DCC: variants seen among roughly 807,000 people sequenced by gnomAD.
The protein encoded by DCC is DCC netrin 1 receptor.
In DCC, 58 loss-of-function variants were observed where a neutral mutation model predicts 172.5. The ratio of observed to expected loss-of-function variants is 0.34; its 90% CI spans 0.27 to 0.42. The LOEUF (loss-of-function observed/expected upper bound fraction) is 0.42. DCC is among the 10% of genes least tolerant of loss of function. The pLI, the probability that DCC is intolerant of heterozygous loss-of-function variation, is 1.00. For synonymous variants in DCC, 709 were observed against 644.5 expected, an observed-to-expected ratio of 1.10 and a Z score of -1.52; for missense variants, 1,740 against 1,791.0, an observed-to-expected ratio of 0.97 and a Z score of 0.51.
rs573602816 is a variant in DCC at position 52,340,612 on chromosome 18, G to A, written c.-176G>A. ...GTCAGTGGACAAGGAAAAAGGCTTC[G>A]AAGGCAGCAGAGGCGCAGGGGAGGT... On this transcript the variant is annotated 5_prime_UTR_variant, in exon 1 of 29. Coordinates refer to ENST00000442544, the MANE Select transcript of DCC (RefSeq NM_005215.4). 372 of 705,170 alleles carry A rather than the reference G, an allele frequency of 5.3e-4. 1 individual carries two copies. In the African/African-American group the frequency reaches 6.0e-3, roughly 11 times the overall value. 43.7% of individuals were successfully genotyped at this position (705,170 alleles called of 1,614,324 possible). A position where few individuals can be genotyped will look rare whatever the true frequency, so the allele number is the denominator to read the frequency against.
chr18:53,378,071 T>C (rs1374625598), intron 15 of DCC, among the ~76,000 whole-genome samples: 2 of 152,124 alleles, frequency 1.3e-5, no homozygotes, highest in African/African-American at 4.8e-5. Flanking sequence ...AAGTGATTCT[T>C]GTGCCTCAGC....
intron 5 of DCC, among the ~76,000 whole-genome samples, chr18:53,059,391 A>G (rs888647799): frequency 6.6e-6 from 1 of 152,144 alleles, no homozygotes; most frequent in African/African-American, 2.4e-5. Flanking sequence ...TCATTGAGCC[A>G]TGGGGTATAT....
chr18:52,925,464 T>C (rs2040186746), intron 5 of DCC, 94 bp downstream of exon 5: 1 of 1,340,010 alleles, frequency 7.5e-7, no homozygotes, highest in Non-Finnish European at 1.1e-6. Context: ...TTCCTATGTT[T>C]ATTAGTGTGA....
intron 1 of DCC, among the ~76,000 whole-genome samples, chr18:52,464,930 T>C (rs956363679): frequency 6.6e-6 from 1 of 152,022 alleles, no homozygotes; most frequent in African/African-American, 2.4e-5. Context: ...CCTTAATCAG[T>C]TTAGGTAGAT....
At chr18:52,602,942 A>G (rs997050008) in intron 1 of DCC, among the ~76,000 whole-genome samples, 2 of 152,082 alleles carry the variant, frequency 1.3e-5, no homozygotes, top group Non-Finnish European at 2.9e-5. Flanking sequence ...TGCAAAGTAT[A>G]GAGGATAGAC....
intron 5 of DCC, among the ~76,000 whole-genome samples, chr18:52,945,808 C>T (rs2040536110): frequency 6.6e-6 from 1 of 152,210 alleles, no homozygotes. Context: ...CCAAATGTAG[C>T]CTACAGGCTT....
chr18:52,923,855 C>G lies in DCC; in HGVS notation c.846C>G (p.Leu282=), dbSNP rs1232175532. ...TACGAGGCGAGGAAGTCATCCAACT[C>G]AGGTATTTCACATTTAAGACTTTTT... ...TWLRGEEVIQ[L]RSKKYSLLGG... The change falls in exon 4 of 29, where the codon CTC becomes CTG. Residue 282 remains leucine (L), a splice_region_variant and synonymous_variant. Transcript: ENST00000442544. The G allele has an allele frequency of 1.2e-6, 2 of 1,612,462 alleles. No individual in the cohort carries two copies. Among genetic ancestry groups the G allele is most frequent in the Non-Finnish European group, 1.7e-6 (2 of 1,178,894 alleles).
At chr18:53,397,593 A>T in intron 18 of DCC, 147 bp downstream of exon 18, 1 of 836,898 alleles carries the variant, frequency 1.2e-6, no homozygotes, top group Non-Finnish European at 1.9e-6. Context: ...GCACTTTTAT[A>T]TCTAAGAGTA....
chr18:52,807,779 G>A (rs186243318), intron 2 of DCC, among the ~76,000 whole-genome samples: 16 of 152,200 alleles, frequency 1.1e-4, no homozygotes, highest in East Asian at 3.9e-4. Flanking sequence ...TCCTCTTTGC[G>A]AAATGCTGCT....
At position 53,450,120 on chromosome 18, in the gene DCC, GAT is replaced by G. The variant is rs59116255; in HGVS notation, c.3230-358_3230-357del. 3.5e-4 allele frequency among the ~76,000 whole-genome samples: 52 copies of G among 147,182 alleles called. No homozygotes were observed. In the South Asian group the frequency reaches 5.5e-3, roughly 15 times the overall value. ...CCTGGGTAATATTCCATCATAGGGG[GAT>G]ATATATATATATATATATATACACA... is the stretch of plus-strand genomic sequence containing the variant. On this transcript the variant is annotated intron_variant, in intron 22 of 28. Transcript: ENST00000442544.
intron 7 of DCC, among the ~76,000 whole-genome samples, chr18:53,104,711 G>T (rs1485681021): frequency 6.6e-6 from 1 of 152,154 alleles, no homozygotes; most frequent in African/African-American, 2.4e-5. Flanking sequence ...CTATAGCCAG[G>T]AAATTAATAT....
chr18:52,892,045 T>A (rs1186745752), intron 2 of DCC, among the ~76,000 whole-genome samples: 2 of 152,150 alleles, frequency 1.3e-5, no homozygotes, highest in African/African-American at 2.4e-5. Context: ...ACATCTGAAT[T>A]ATCCACCCTG....
chr18:52,933,743 GA>G (rs2040342755), intron 5 of DCC, among the ~76,000 whole-genome samples: 1 of 152,018 alleles, frequency 6.6e-6, no homozygotes, highest in African/African-American at 2.4e-5. Flanking sequence ...CATATTTGTA[GA>G]GCTTTAGGAG....
At position 53,179,082 on chromosome 18, in the gene DCC, T is replaced by C. The variant is rs748712247; in HGVS notation, c.1539T>C (p.Ser513=). The part of the protein sequence containing the change: ...VAYNEWGPGE[S]SQPIKVATQP... ...ACAATGAATGGGGACCGGGAGAGAG[T>C]TCTCAACCCATCAAGGTGGCCACAC... is the stretch of plus-strand genomic sequence containing the variant. Residue 513 remains serine (S), a synonymous_variant, in exon 9 of 29, where the codon AGT becomes AGC. Transcript: ENST00000442544. 1.9e-6 allele frequency: 3 copies of C among 1,613,904 alleles called. No homozygotes were observed. The Admixed American group carries it at 5.0e-5, about 27-fold the overall frequency.
At chr18:53,184,231 G>C (rs1312380845) in intron 9 of DCC, among the ~76,000 whole-genome samples, 2 of 151,972 alleles carry the variant, frequency 1.3e-5, no homozygotes, top group African/African-American at 2.4e-5. Flanking sequence ...TTAGCATTTG[G>C]CAGGCTGTTA....
At position 52,824,274 on chromosome 18, in the gene DCC, C is replaced by T. The variant is rs146314169; in HGVS notation, c.412+71900C>T. Among the ~76,000 whole-genome samples, 543 of 152,212 alleles carry T rather than the reference C, an allele frequency of 3.6e-3. 1 individual carries two copies. The highest frequency in any genetic ancestry group is 5.5e-3 in the Non-Finnish European group (373 of 68,018). The stretch of plus-strand genomic sequence containing the variant: ...AAAGTTATTCTGTTTCTTTTACTCT[C>T]CTTGTGTCTTGTGAATGATGGCAGG... On this transcript the variant is annotated intron_variant, in intron 2 of 28. Transcript: ENST00000442544.
chr18:53,364,831 A>G (rs2144940993), intron 15 of DCC, among the ~76,000 whole-genome samples: 1 of 152,244 alleles, frequency 6.6e-6, no homozygotes, highest in African/African-American at 2.4e-5. Context: ...CCATCCCACA[A>G]ATGTACATGT....
chr18:53,280,559 G>A (rs2056859008), intron 12 of DCC, among the ~76,000 whole-genome samples: 1 of 152,016 alleles, frequency 6.6e-6, no homozygotes, highest in Non-Finnish European at 1.5e-5. Context: ...TTCTTCCTAT[G>A]GAGCCACCCT....
chr18:53,035,309 A>G (rs577395406), intron 5 of DCC, among the ~76,000 whole-genome samples: 77 of 152,044 alleles, frequency 5.1e-4, no homozygotes, highest in Non-Finnish European at 9.1e-4. Context: ...ACTAAAGTAC[A>G]ATATGTGCTC....
Sources: gnomAD v4.1 joint callset for allele counts (sites outside exome capture counted in the v4.1 genomes callset) on GRCh38, gnomAD v4.1.1 for gene constraint, MANE v1.5 for transcripts, NCBI Gene and HGNC (gene_info 2026-07-23, HGNC 2026-07-21) for gene names.